The following HS3ST6 variants were observed in gnomAD, a reference collection of about 807,000 sequenced individuals.
The protein encoded by HS3ST6 is heparan sulfate glucosamine 3-O-sulfotransferase 6.
A neutral mutation model predicts 11.0 loss-of-function variants in HS3ST6; 13 were observed. That is an observed-to-expected ratio of 1.18 (90% confidence interval 0.77 to 1.88). The LOEUF (loss-of-function observed/expected upper bound fraction) is 1.88, where lower values mean the gene tolerates loss of function less well. Among genes scored for constraint, HS3ST6 ranks in the 40% most tolerant of loss-of-function variants. HS3ST6 has a pLI of 0.00. For synonymous variants in HS3ST6, 232 were observed against 230.6 expected (o/e 1.01, Z -0.06); for missense variants, 541 against 494.4 (o/e 1.09, Z -0.89).
upstream of HS3ST6, among the ~76,000 whole-genome samples, chr16:1,918,702 A>G (rs934476044): frequency 1.3e-5 from 2 of 151,116 alleles, no homozygotes; most frequent in South Asian, 2.1e-4. This position sits in a 1 kb window ranked among gnomAD's most constrained non-coding sequence, Gnocchi z 6.0. Flanking sequence ...CAGGGCAGGG[A>G]CAGGGCGGCG....
At position 1,912,087 on chromosome 16, in the gene HS3ST6, C is replaced by A; in HGVS notation, c.532G>T (p.Val178Leu). The A allele has an allele frequency of 6.6e-7, 1 of 1,509,346 alleles. No individual in the cohort carries two copies. Among genetic ancestry groups the A allele is most frequent in the Non-Finnish European group, 8.8e-7 (1 of 1,131,014 alleles). The allele number at this position is 1,509,346 out of a possible 1,614,324, so 93.5% of individuals were successfully genotyped here. A position where few individuals can be genotyped will look rare whatever the true frequency, so the allele number is the denominator to read the frequency against. Residue 178 changes from valine to leucine, a missense_variant, in exon 2 of 2, where the codon GTG becomes TTG. Transcript: ENST00000454677. The surrounding 1 kb of genome is among the most constrained non-coding windows in gnomAD (Gnocchi z 5.6). ...HAMSPDTKLI[V>L]VVRNPVTRAI... ...CGGGTCACGGGGTTCCGCACCACCA[C>A]GATCAGCTTCGTGTCCGGGGACATG...
chr16:1,912,312 A>C lies in HS3ST6; in HGVS notation c.414-107T>G. On this transcript the variant is annotated intron_variant, in intron 1 of 1. Transcript: ENST00000454677. This position sits in a 1 kb window ranked among gnomAD's most constrained non-coding sequence, Gnocchi z 5.6. The stretch of plus-strand genomic sequence containing the variant: ...TTATGCCCGGGAAGCCCAGGCCTCC[A>C]GGGCGAGCAAGTCTTCCTCCCTGCT... The C allele has an allele frequency of 4.9e-6, 5 of 1,026,470 alleles. No individual in the cohort carries two copies. The highest frequency in any genetic ancestry group is 6.3e-6 in the Non-Finnish European group (5 of 790,442). The allele number at this position is 1,026,470 out of a possible 1,614,324, so 63.6% of individuals were successfully genotyped here. A position where few individuals can be genotyped will look rare whatever the true frequency, so the allele number is the denominator to read the frequency against.
chr16:1,917,095 G>A (rs1471685497), intron 1 of HS3ST6, among the ~76,000 whole-genome samples: 1 of 152,162 alleles, frequency 6.6e-6, no homozygotes, highest in Non-Finnish European at 1.5e-5. Context: ...TAACAAATAG[G>A]GGTAGGCGTC....
chr16:1,914,745 A>G (rs1312482076), intron 1 of HS3ST6, among the ~76,000 whole-genome samples: 1 of 152,206 alleles, frequency 6.6e-6, no homozygotes, highest in African/African-American at 2.4e-5. Flanking sequence ...GTGGGAACAC[A>G]GACAGGCGGC....
chr16:1,914,394 TGAC>T (rs2082912439), intron 1 of HS3ST6, among the ~76,000 whole-genome samples: 2 of 152,116 alleles, frequency 1.3e-5, no homozygotes, highest in Admixed American at 1.3e-4. Context: ...GGGACCTCGC[TGAC>T]GATGCCCATA....
chr16:1,911,520 T>A lies in HS3ST6; in HGVS notation c.*70A>T, dbSNP rs1340538370. The A allele has an allele frequency of 1.4e-6, 2 of 1,440,032 alleles. No homozygotes were observed. Among genetic ancestry groups the A allele is most frequent in the Non-Finnish European group, 1.8e-6 (2 of 1,087,870 alleles). 89.2% of individuals were successfully genotyped at this position (1,440,032 alleles called of 1,614,324 possible). A position where few individuals can be genotyped will look rare whatever the true frequency, so the allele number is the denominator to read the frequency against. On this transcript the variant is annotated 3_prime_UTR_variant, in exon 2 of 2. Coordinates refer to ENST00000454677, the MANE Select transcript of HS3ST6 (RefSeq NM_001009606.4). ...CTTAAATATTCCTCTCTGCCCAGCA[T>A]GTGCACGCAGCCCGCTCTGGCCAGG...
upstream of HS3ST6, among the ~76,000 whole-genome samples, chr16:1,920,019 C>CCACGGTCTCAGGAGTCCT (rs1350280716): frequency 2.0e-5 from 3 of 152,102 alleles, no homozygotes; most frequent in Non-Finnish European, 2.9e-5. Context: ...TCAGCAGTCC[C>CCACGGTCTCAGGAGTCCT]CACGGTCTCA....
chr16:1,916,761 C>T (rs2082929284), intron 1 of HS3ST6, among the ~76,000 whole-genome samples: 2 of 151,092 alleles, frequency 1.3e-5, no homozygotes, highest in South Asian at 2.1e-4. Context: ...CCTCCTCCCC[C>T]GTCTCGCCAC....
Position 1,912,950 on chromosome 16 carries a change from C to T in HS3ST6, c.414-745G>A, listed in dbSNP as rs1034506734. Among the ~76,000 whole-genome samples the T allele has an allele frequency of 2.6e-5, 4 of 152,112 alleles. No homozygotes were observed. Among genetic ancestry groups the T allele is most frequent in the Non-Finnish European group, 4.4e-5 (3 of 68,028 alleles). ...GGGATTACAGGTGCCCGCCACCACA[C>T]CCAGCTAATTTTTGTATTTTTAGTA... On this transcript the variant is annotated intron_variant, in intron 1 of 1. Coordinates refer to ENST00000454677, the MANE Select transcript of HS3ST6 (RefSeq NM_001009606.4). The surrounding 1 kb of genome is among the most constrained non-coding windows in gnomAD (Gnocchi z 5.6).
Position 1,912,260 on chromosome 16 carries a change from C to T in HS3ST6, c.414-55G>A. On this transcript the variant is annotated intron_variant, in intron 1 of 1. Transcript: ENST00000454677. This position sits in a 1 kb window ranked among gnomAD's most constrained non-coding sequence, Gnocchi z 5.6. The stretch of plus-strand genomic sequence containing the variant: ...TGAGCCTCCCCAGCCCTAGACCGGC[C>T]CCCAGGGGCCCGGGACCAAGGCCCC... 1 of 1,292,188 alleles carries T rather than the reference C, an allele frequency of 7.7e-7. No individual in the cohort carries two copies. The highest frequency in any genetic ancestry group is 3.1e-5 in the South Asian group (1 of 31,992). 80.0% of individuals were successfully genotyped at this position (1,292,188 alleles called of 1,614,324 possible).
chr16:1,917,792 C>A, intron 1 of HS3ST6, 119 bp downstream of exon 1: 1 of 788,102 alleles, frequency 1.3e-6, no homozygotes, highest in South Asian at 3.2e-5. Context: ...GTCCCAACCC[C>A]ACTGCCCGGA....
At chr16:1,915,379 G>A (rs1189868755) in intron 1 of HS3ST6, among the ~76,000 whole-genome samples, 1 of 152,264 alleles carries the variant, frequency 6.6e-6, no homozygotes, top group African/African-American at 2.4e-5. Context: ...GGGTTCAAGC[G>A]ATTCTCCTGC....
chr16:1,916,956 C>A (rs997955624), intron 1 of HS3ST6, among the ~76,000 whole-genome samples: 6 of 152,026 alleles, frequency 3.9e-5, no homozygotes, highest in African/African-American at 7.2e-5. Flanking sequence ...CTAGCCACCA[C>A]CTGACTTCCC....
Position 1,911,797 on chromosome 16 carries a change from C to T in HS3ST6, c.822G>A (p.Thr274=), listed in dbSNP as rs1320062892. The part of the protein sequence containing the change: ...QDFLGLKRVV[T]DKHFYFNATK... Reference sequence around the variant, plus strand: ...TGGCGTTGAAGTAGAAGTGCTTGTCCGTGACGACCCGTTTCAGGCCCAGGA... The same window carrying T: ...TGGCGTTGAAGTAGAAGTGCTTGTCTGTGACGACCCGTTTCAGGCCCAGGA... The change falls in exon 2 of 2, where the codon ACG becomes ACA. Residue 274 remains threonine, a synonymous_variant. Transcript: ENST00000454677. 9.9e-6 allele frequency: 16 copies of T among 1,613,864 alleles called. No individual in the cohort carries two copies. Among genetic ancestry groups the T allele is most frequent in the South Asian group, 5.5e-5 (5 of 91,076 alleles).
upstream of HS3ST6, among the ~76,000 whole-genome samples, chr16:1,919,754 C>T (rs1014827954): frequency 1.3e-5 from 2 of 152,244 alleles, no homozygotes; most frequent in Non-Finnish European, 2.9e-5. Flanking sequence ...GGGGGCCACA[C>T]GGGGCTGACG....
chr16:1,918,021 G>A lies in HS3ST6; in HGVS notation c.303C>T (p.Gly101=). Residue 101 remains glycine (G), a synonymous_variant, in exon 1 of 2, where the codon GGC becomes GGT. Transcript: ENST00000454677. The surrounding 1 kb of genome is among the most constrained non-coding windows in gnomAD (Gnocchi z 6.0). ...GAAACTCCAGCAGGGCGCGCGTGCC[G>A]CCCTTCTTCACGCCAACGATGAGCG... ...PQALIVGVKK[G]GTRALLEFLR... is the part of the protein sequence containing the mutation. 6.5e-7 allele frequency: 1 copy of A among 1,535,686 alleles called. No homozygotes were observed. The highest frequency in any genetic ancestry group is 1.2e-5 in the South Asian group (1 of 82,802).
chr16:1,915,883 C>T (rs940259283), intron 1 of HS3ST6, among the ~76,000 whole-genome samples: 1 of 149,608 alleles, frequency 6.7e-6, no homozygotes, highest in African/African-American at 2.5e-5. Context: ...AAGGCCGGGT[C>T]ACCGCCTGGA....
In HS3ST6 at chr16:1,911,833, G is replaced by A. The variant is rs1425212628; in HGVS notation, c.786C>T (p.Arg262=). ...GTTTCAGGCCCAGGAAGTCCTGCAC[G>A]CGGCCGACCTCTCCGGCCGGGTCGC... is the stretch of plus-strand genomic sequence containing the variant. ...LVSDPAGEVG[R]VQDFLGLKRV... is the part of the protein sequence containing the mutation. Residue 262 remains arginine, a synonymous_variant, in exon 2 of 2, where the codon CGC becomes CGT. Coordinates refer to ENST00000454677, the MANE Select transcript of HS3ST6 (RefSeq NM_001009606.4). The A allele has an allele frequency of 3.1e-6, 5 of 1,612,922 alleles. No individual in the cohort carries two copies. Among genetic ancestry groups the A allele is most frequent in the Middle Eastern group, 1.7e-4 (1 of 6,052 alleles).
At chr16:1,913,336 G>A (rs2082904626) in intron 1 of HS3ST6, among the ~76,000 whole-genome samples, 2 of 152,200 alleles carry the variant, frequency 1.3e-5, no homozygotes, top group Non-Finnish European at 2.9e-5. Flanking sequence ...CAGGAGAGGA[G>A]GGCACTGACC....
Sources: gnomAD v4.1 joint callset for allele counts (sites outside exome capture counted in the v4.1 genomes callset) on GRCh38, gnomAD v4.1.1 for gene constraint, Gnocchi (gnomAD v3.1) non-coding constraint, MANE v1.5 for transcripts, NCBI Gene and HGNC (gene_info 2026-07-23, HGNC 2026-07-21) for gene names.